EIF2AK1: variants seen among roughly 807,000 people sequenced by gnomAD.
The protein encoded by EIF2AK1 is eukaryotic translation initiation factor 2-alpha kinase 1.
A neutral mutation model predicts 77.9 loss-of-function variants in EIF2AK1; 54 were observed. That is an observed-to-expected ratio of 0.69 (90% CI 0.56 to 0.87). The LOEUF is 0.87. EIF2AK1 is among the 40% of genes least tolerant of loss of function. The probability of loss-of-function intolerance (pLI) is 0.00; values close to 1 mark genes in which losing one functional copy is unlikely to be tolerated. For missense variants in EIF2AK1, 810 were observed against 768.6 expected (o/e 1.05, Z -0.64); for synonymous variants, 314 against 290.5 (o/e 1.08, Z -0.82).
rs10227793 is a variant in EIF2AK1, at chr7:6,036,991, G to A, written c.1332+433C>T. 0.19 allele frequency among the ~76,000 whole-genome samples: 29,477 copies of A among 151,938 alleles called. 3,418 individuals carry two copies. The highest frequency in any genetic ancestry group is 0.33 in the African/African-American group (13,556 of 41,398). ...ACCTGTAACCCCAGCACTTTGGGAG[G>A]TCAAGATGGGAGGATCACTTGAGCC... On this transcript the variant is annotated intron_variant, in intron 11 of 14. Coordinates refer to ENST00000199389, the MANE Select transcript of EIF2AK1 (RefSeq NM_014413.4). The surrounding 1 kb of genome is among the most constrained non-coding windows in gnomAD (Gnocchi z 4.6).
At chr7:6,052,127 G>C (rs1442602468) in intron 2 of EIF2AK1, among the ~76,000 whole-genome samples, 5 of 140,548 alleles carry the variant, frequency 3.6e-5, no homozygotes, top group Non-Finnish European at 7.5e-5. Context: ...AGCCGAGATC[G>C]CACTACCGCA....
intron 2 of EIF2AK1, among the ~76,000 whole-genome samples, chr7:6,052,584 T>TAAAAAAAA (rs56106343): frequency 1.0e-5 from 1 of 97,174 alleles, no homozygotes; most frequent in Non-Finnish European, 1.9e-5. Context: ...ACTGTTTTGG[T>TAAAAAAAA]AAAAAAAAAA....
chr7:6,036,144 T>A lies in EIF2AK1; in HGVS notation c.1332+1280A>T. ...TCTGGCCAGGCTACTTTATCACACT[T>A]ATCCTCTGAGAATGACCAATAACCA... is the stretch of plus-strand genomic sequence containing the variant. On this transcript the variant is annotated intron_variant, in intron 11 of 14. Coordinates refer to ENST00000199389, the MANE Select transcript of EIF2AK1 (RefSeq NM_014413.4). This position sits in a 1 kb window ranked among gnomAD's most constrained non-coding sequence, Gnocchi z 4.6. 1 of 1,550,496 alleles carries A rather than the reference T, an allele frequency of 6.4e-7. No homozygotes were observed. Among genetic ancestry groups the A allele is most frequent in the East Asian group, 2.4e-5 (1 of 40,906 alleles).
chr7:6,036,249 T>C lies in EIF2AK1; in HGVS notation c.1332+1175A>G. The C allele has an allele frequency of 1.3e-6, 2 of 1,550,196 alleles. No individual in the cohort carries two copies. Among genetic ancestry groups the C allele is most frequent in the Non-Finnish European group, 1.7e-6 (2 of 1,146,912 alleles). ...CCTAATAAAGCAATCGCAAAAACCT[T>C]TATCCCTACAGGGTATCTGCAAAAG... On this transcript the variant is annotated intron_variant, in intron 11 of 14. Transcript: ENST00000199389. The surrounding 1 kb of genome is among the most constrained non-coding windows in gnomAD (Gnocchi z 4.6).
chr7:6,026,568 G>C (rs1787752718), intron 14 of EIF2AK1, 160 bp downstream of exon 14: 1 of 722,466 alleles, frequency 1.4e-6, no homozygotes. Context: ...CTGCAGCTGA[G>C]TGCCAGGAAG....
intron 11 of EIF2AK1, chr7:6,031,439 G>C: frequency 6.4e-7 from 1 of 1,550,816 alleles, no homozygotes; most frequent in South Asian, 1.2e-5. Flanking sequence ...GTCCCTGGAA[G>C]ATGGCCCATC....
chr7:6,034,844 C>T (rs538653237), intron 11 of EIF2AK1, among the ~76,000 whole-genome samples: 85 of 152,202 alleles, frequency 5.6e-4, no homozygotes, highest in Admixed American at 6.5e-5. Context: ...GAATGAACTT[C>T]GGAATGACCA....
chr7:6,023,520 G>C lies in EIF2AK1; in HGVS notation c.*1153C>G. ...TCCGCTCCATGAACTCTGCTCTTGG[G>C]AAGAGCCCTTGGCTCGCTGGGAATG... On this transcript the variant is annotated 3_prime_UTR_variant, in exon 15 of 15. Transcript: ENST00000199389. The C allele has an allele frequency of 6.2e-7, 1 of 1,614,232 alleles. No individual in the cohort carries two copies. Among genetic ancestry groups the C allele is most frequent in the South Asian group, 1.1e-5 (1 of 91,086 alleles).
chr7:6,044,425 G>C (rs1051762299), intron 7 of EIF2AK1, 137 bp downstream of exon 7: 2 of 662,606 alleles, frequency 3.0e-6, no homozygotes, highest in African/African-American at 3.7e-5. Context: ...GCGACAGAGT[G>C]AGACTCCGTC....
chr7:6,023,592 C>A lies in EIF2AK1; in HGVS notation c.*1081G>T, dbSNP rs367931587. 714 of 1,614,184 alleles carry A rather than the reference C, an allele frequency of 4.4e-4. 1 individual carries two copies. The highest frequency in any genetic ancestry group is 5.7e-4 in the Non-Finnish European group (672 of 1,180,046). ...TGCTGTGGTCTGTACTCCAGCAGAT[C>A]GGAGGCTGCAGTGTGACAGTGCCAG... On this transcript the variant is annotated 3_prime_UTR_variant, in exon 15 of 15. Transcript: ENST00000199389.
chr7:6,024,172 A>G lies in EIF2AK1; in HGVS notation c.*501T>C. On this transcript the variant is annotated 3_prime_UTR_variant, in exon 15 of 15. Coordinates refer to ENST00000199389, the MANE Select transcript of EIF2AK1 (RefSeq NM_014413.4). The stretch of plus-strand genomic sequence containing the variant: ...AAGTTGCACACTGTACACTGTTAAG[A>G]AGTTGAGCTTTTATCTTAGAGGCAG... 1 of 1,272,574 alleles carries G rather than the reference A, an allele frequency of 7.9e-7. No individual in the cohort carries two copies. Among genetic ancestry groups the G allele is most frequent in the Middle Eastern group, 2.2e-4 (1 of 4,594 alleles). 78.8% of individuals were successfully genotyped at this position (1,272,574 alleles called of 1,614,324 possible). A position where few individuals can be genotyped will look rare whatever the true frequency, so the allele number is the denominator to read the frequency against.
intron 7 of EIF2AK1, among the ~76,000 whole-genome samples, chr7:6,043,595 A>G (rs10447573): frequency 0.064 from 9,695 of 151,052 alleles, 572 homozygotes; most frequent in East Asian, 0.34. Context: ...TGCCCACCTC[A>G]TTTTTGTATT....
At position 6,023,197 on chromosome 7, in the gene EIF2AK1, C is replaced by A. The variant is rs7781199; in HGVS notation, c.*1476G>T. ...TGTTCTTCTTGAAAACACCCTTTCC[C>A]ATGTCATCAGTCTGTGGTGTTTGGT... On this transcript the variant is annotated 3_prime_UTR_variant, in exon 15 of 15. Coordinates refer to ENST00000199389, the MANE Select transcript of EIF2AK1 (RefSeq NM_014413.4). 0.16 allele frequency: 209,595 copies of A among 1,307,830 alleles called. 17,506 individuals are homozygous for A. Among genetic ancestry groups the A allele is most frequent in the Middle Eastern group, 0.18 (657 of 3,648 alleles). The allele number at this position is 1,307,830 out of a possible 1,614,324, so 81.0% of individuals were successfully genotyped here. A position where few individuals can be genotyped will look rare whatever the true frequency, so the allele number is the denominator to read the frequency against.
chr7:6,031,676 A>C, intron 11 of EIF2AK1: 1 of 1,342,622 alleles, frequency 7.4e-7, no homozygotes, highest in Admixed American at 2.0e-5. Context: ...GAACCCACTA[A>C]GCTCACGGCC....
chr7:6,041,919 C>G (rs9640011), intron 8 of EIF2AK1, among the ~76,000 whole-genome samples: 2 of 150,760 alleles, frequency 1.3e-5, no homozygotes, highest in East Asian at 3.9e-4. Flanking sequence ...TAAACCAAGG[C>G]GGGAGGATTG....
At chr7:6,041,766 GGGA>G in intron 8 of EIF2AK1, among the ~76,000 whole-genome samples, 1 of 151,628 alleles carries the variant, frequency 6.6e-6, no homozygotes, top group African/African-American at 2.4e-5. Context: ...GCTTGAACCC[GGGA>G]GGAAGAGGTT....
chr7:6,032,973 T>C lies in EIF2AK1; in HGVS notation c.1333-3941A>G. The C allele has an allele frequency of 6.6e-7, 1 of 1,523,298 alleles. No individual in the cohort carries two copies. 94.4% of individuals were successfully genotyped at this position (1,523,298 alleles called of 1,614,324 possible). A position where few individuals can be genotyped will look rare whatever the true frequency, so the allele number is the denominator to read the frequency against. On this transcript the variant is annotated intron_variant, in intron 11 of 14. Coordinates refer to ENST00000199389, the MANE Select transcript of EIF2AK1 (RefSeq NM_014413.4). This position sits in a 1 kb window ranked among gnomAD's most constrained non-coding sequence, Gnocchi z 4.3. ...CCACCGAAAATCATTTCTTTTTTTT[T>C]CTTTTTTGTTTTGAGGCAGGGGTCT...
chr7:6,024,713 T>C lies in EIF2AK1; in HGVS notation c.1853A>G (p.Lys618Arg), dbSNP rs148959053. 31 of 1,609,850 alleles carry C rather than the reference T, an allele frequency of 1.9e-5. No homozygotes were observed. In the East Asian group the frequency reaches 6.5e-4, roughly 34 times the overall value. ...KKQLNLLSQD[K>R]GVRDDGKDGG... ...ATCCTTTCCGTCATCCCTCACCCCT[T>C]TGTCTTGAGAAAGGAGGTTTAGCTG... The change falls in exon 15 of 15, where the codon AAA becomes AGA. Residue 618 changes from lysine (K) to arginine (R), a missense_variant. Coordinates refer to ENST00000199389, the MANE Select transcript of EIF2AK1 (RefSeq NM_014413.4).
intron 2 of EIF2AK1, among the ~76,000 whole-genome samples, chr7:6,052,449 G>A (rs1386821021): frequency 6.6e-6 from 1 of 151,540 alleles, no homozygotes; most frequent in African/African-American, 2.4e-5. Flanking sequence ...AGAAGCAGTA[G>A]GTGTACAATG....
Sources: gnomAD v4.1 joint callset for allele counts (sites outside exome capture counted in the v4.1 genomes callset) on GRCh38, gnomAD v4.1.1 for gene constraint, Gnocchi (gnomAD v3.1) non-coding constraint, MANE v1.5 for transcripts, NCBI Gene and HGNC (gene_info 2026-07-23, HGNC 2026-07-21) for gene names.